Variants in KHDRBS2 observed in about 807,000 individuals in gnomAD.
The protein encoded by KHDRBS2 is KH domain-containing, RNA-binding, signal transduction-associated protein 2.
A neutral mutation model predicts 44.3 loss-of-function variants in KHDRBS2; 26 were observed. That is an observed-to-expected ratio of 0.59 (90% CI 0.43 to 0.81). The LOEUF is 0.81. KHDRBS2 is among the 40% of genes least tolerant of loss of function. The pLI is 0.00. For missense variants in KHDRBS2, 476 were observed against 433.1 expected (o/e 1.10, Z -0.88); for synonymous variants, 194 against 151.1 (o/e 1.28, Z -2.08).
the KHDRBS2 span, among the ~76,000 whole-genome samples, chr6:61,577,639 G>A: frequency 6.6e-6 from 1 of 152,078 alleles, no homozygotes; most frequent in East Asian, 1.9e-4. Context: ...AATATACCAT[G>A]TGGATTAACA....
intron 2 of KHDRBS2, among the ~76,000 whole-genome samples, chr6:62,103,478 T>C (rs1562866024): frequency 6.6e-6 from 1 of 152,124 alleles, no homozygotes; most frequent in East Asian, 1.9e-4. Context: ...GAGTGGGCAC[T>C]GGGAGCAGAG....
At chr6:61,792,534 A>T (rs1240990297) in intron 6 of KHDRBS2, among the ~76,000 whole-genome samples, 1 of 151,694 alleles carries the variant, frequency 6.6e-6, no homozygotes, top group Non-Finnish European at 1.5e-5. Context: ...ACTGAGTTTG[A>T]AATTGTATGT....
intron 7 of KHDRBS2, among the ~76,000 whole-genome samples, chr6:61,712,462 G>A (rs181085648): frequency 7.2e-5 from 11 of 151,942 alleles, no homozygotes; most frequent in Non-Finnish European, 1.3e-4. Context: ...TTACAAGGAG[G>A]TAGGTGTTGT....
intron 6 of KHDRBS2, among the ~76,000 whole-genome samples, chr6:61,812,511 C>A (rs1337629129): frequency 6.6e-6 from 1 of 151,656 alleles, no homozygotes. Context: ...GAACCAAAGT[C>A]AAAGGTAAGT....
chr6:61,779,869 T>C (rs552460904), intron 6 of KHDRBS2, among the ~76,000 whole-genome samples: 3 of 152,044 alleles, frequency 2.0e-5, no homozygotes, highest in Non-Finnish European at 4.4e-5. Context: ...AAGCTGGCAA[T>C]CAAATTCAAG....
chr6:61,772,723 C>T (rs1259780273), intron 6 of KHDRBS2, among the ~76,000 whole-genome samples: 5 of 151,870 alleles, frequency 3.3e-5, no homozygotes, highest in African/African-American at 1.2e-4. Context: ...ATGTGCCACG[C>T]TGGTGTGCTG....
At chr6:62,236,421 A>C (rs1833716353) in intron 1 of KHDRBS2, among the ~76,000 whole-genome samples, 1 of 152,028 alleles carries the variant, frequency 6.6e-6, no homozygotes, top group Non-Finnish European at 1.5e-5. Flanking sequence ...CCAGAGAATT[A>C]GAGGGTTTTA....
At chr6:62,145,638 T>A (rs757688125) in intron 2 of KHDRBS2, among the ~76,000 whole-genome samples, 2 of 151,908 alleles carry the variant, frequency 1.3e-5, no homozygotes, top group African/African-American at 2.4e-5. Context: ...TCTAGTTTAA[T>A]CATATTTTAA....
intron 2 of KHDRBS2, among the ~76,000 whole-genome samples, chr6:62,085,212 A>C (rs1798168192): frequency 6.6e-6 from 1 of 152,150 alleles, no homozygotes; most frequent in Non-Finnish European, 1.5e-5. Context: ...GACACAAAAC[A>C]TGGTGAAGCT....
At chr6:62,252,338 C>T (rs916875424) in intron 1 of KHDRBS2, among the ~76,000 whole-genome samples, 1 of 151,908 alleles carries the variant, frequency 6.6e-6, no homozygotes, top group African/African-American at 2.4e-5. Context: ...CCGTTAAGAT[C>T]AATTTTATCT....
At chr6:61,891,382 G>T (rs918588702) in intron 6 of KHDRBS2, among the ~76,000 whole-genome samples, 1 of 152,134 alleles carries the variant, frequency 6.6e-6, no homozygotes, top group Non-Finnish European at 1.5e-5. Context: ...AGGGATATTG[G>T]TCTAAAATTC....
intron 7 of KHDRBS2, among the ~76,000 whole-genome samples, chr6:61,709,780 G>A (rs1177289818): frequency 6.6e-6 from 1 of 151,548 alleles, no homozygotes; most frequent in Non-Finnish European, 1.5e-5. Context: ...CATGCTTTTG[G>A]TACAAGTATA....
At chr6:61,985,013 A>T (rs1774767301) in intron 3 of KHDRBS2, among the ~76,000 whole-genome samples, 1 of 152,200 alleles carries the variant, frequency 6.6e-6, no homozygotes, top group South Asian at 2.1e-4. Flanking sequence ...AATCAGGATA[A>T]GTAACCTTTT....
intron 2 of KHDRBS2, among the ~76,000 whole-genome samples, chr6:62,113,064 C>A (rs996699815): frequency 6.6e-6 from 1 of 151,996 alleles, no homozygotes; most frequent in Non-Finnish European, 1.5e-5. Flanking sequence ...TTGGTTAAAG[C>A]CAATGAAGCT....
chr6:61,618,874 A>G, the KHDRBS2 span, among the ~76,000 whole-genome samples: 2 of 152,124 alleles, frequency 1.3e-5, no homozygotes, highest in African/African-American at 4.8e-5. Context: ...TTGTTTTCCC[A>G]TGTATAGCTC....
At chr6:61,639,234 A>ACACT in the KHDRBS2 span, among the ~76,000 whole-genome samples, 470 of 152,210 alleles carry the variant, frequency 3.1e-3, 4 homozygotes, top group African/African-American at 0.011. Flanking sequence ...GCTCTAAAGG[A>ACACT]CACTGTTCAA....
At chr6:62,221,522 A>G (rs1198183976) in intron 1 of KHDRBS2, among the ~76,000 whole-genome samples, 1 of 152,104 alleles carries the variant, frequency 6.6e-6, no homozygotes, top group Non-Finnish European at 1.5e-5. Flanking sequence ...GCTTCATTCT[A>G]TTAACCATTT....
intron 6 of KHDRBS2, among the ~76,000 whole-genome samples, chr6:61,733,669 G>A (rs1348240102): frequency 1.3e-5 from 2 of 152,018 alleles, no homozygotes; most frequent in African/African-American, 2.4e-5. Context: ...ATAATTATGT[G>A]TGATGAGACT....
chr6:61,652,744 GT>G, the KHDRBS2 span, among the ~76,000 whole-genome samples: 1 of 152,074 alleles, frequency 6.6e-6, no homozygotes, highest in South Asian at 2.1e-4. Flanking sequence ...CCAGAGCTGT[GT>G]CCTGTGTGGG....
Sources: allele counts gnomAD v4.1 joint callset (sites outside exome capture counted in the v4.1 genomes callset), GRCh38; gene constraint gnomAD v4.1.1; transcripts MANE v1.5; gene names NCBI Gene and HGNC (gene_info 2026-07-23, HGNC 2026-07-21).